Variants in BLTP2 observed in about 807,000 individuals in gnomAD.
The protein encoded by BLTP2 is bridge-like lipid transfer protein family member 2, also known as U937-associated antigen.
chr17:28,629,547 A>C, the BLTP2 span, among the ~76,000 whole-genome samples: 1 of 152,154 alleles, frequency 6.6e-6, no homozygotes, highest in Non-Finnish European at 1.5e-5. Flanking sequence ...GTGCGATCTC[A>C]GCTGGCTGCA....
At chr17:28,638,305 G>C in the BLTP2 span, 2 of 1,613,582 alleles carry the variant, frequency 1.2e-6, no homozygotes, top group Admixed American at 1.7e-5. Context: ...TGCATATTGG[G>C]TGGGTGTGGC....
At chr17:28,621,089 A>G in the BLTP2 span, 2 of 1,614,216 alleles carry the variant, frequency 1.2e-6, no homozygotes, top group Non-Finnish European at 1.7e-6. Flanking sequence ...GCTGTAACTA[A>G]TATAGTACAT....
the BLTP2 span, chr17:28,623,722 C>G: frequency 6.4e-7 from 1 of 1,555,058 alleles, no homozygotes; most frequent in African/African-American, 1.4e-5. Flanking sequence ...TACGGAAAAC[C>G]AGGAATATAA....
At chr17:28,642,942 C>T in the BLTP2 span, 1 of 1,610,948 alleles carries the variant, frequency 6.2e-7, no homozygotes, top group Non-Finnish European at 8.5e-7. Flanking sequence ...GAGGTATCCA[C>T]CTTGAGAACC....
chr17:28,622,353 C>A, the BLTP2 span, among the ~76,000 whole-genome samples: 15 of 152,286 alleles, frequency 9.8e-5, 1 homozygote, highest in South Asian at 3.1e-3. Context: ...ATGCTCATTA[C>A]CTCTTATTAC....
chr17:28,620,530 G>A, the BLTP2 span: 2 of 1,614,032 alleles, frequency 1.2e-6, no homozygotes, highest in Non-Finnish European at 1.7e-6. Context: ...GTTCTACATG[G>A]AGCAGCAGGT....
At chr17:28,640,117 A>G in the BLTP2 span, 8 of 1,421,992 alleles carry the variant, frequency 5.6e-6, no homozygotes, top group Non-Finnish European at 7.6e-6. Context: ...TTTTTTGGCC[A>G]GGCGCAGTGG....
At chr17:28,621,854 G>A in the BLTP2 span, among the ~76,000 whole-genome samples, 21 of 152,194 alleles carry the variant, frequency 1.4e-4, no homozygotes, top group Non-Finnish European at 2.2e-4. Context: ...TTGTGTTCTT[G>A]CTTTTTCTAT....
At chr17:28,622,776 C>A in the BLTP2 span, among the ~76,000 whole-genome samples, 1 of 152,180 alleles carries the variant, frequency 6.6e-6, no homozygotes, top group Non-Finnish European at 1.5e-5. Flanking sequence ...ATCTCACCAT[C>A]TAACAAAAAC....
chr17:28,633,304 A>G, the BLTP2 span: 4 of 1,613,752 alleles, frequency 2.5e-6, no homozygotes, highest in Non-Finnish European at 2.5e-6. Context: ...TCTCACGTTG[A>G]TATCCAAGTC....
the BLTP2 span, chr17:28,634,865 G>A: frequency 9.3e-6 from 15 of 1,613,946 alleles, no homozygotes; most frequent in Non-Finnish European, 1.3e-5. Flanking sequence ...AGTAGCTGTA[G>A]TCTTTTGGCA....
chr17:28,633,511 C>T, the BLTP2 span: 1 of 1,604,384 alleles, frequency 6.2e-7, no homozygotes. Context: ...CTCAACCATA[C>T]CATCCTGATA....
At chr17:28,640,462 C>A in the BLTP2 span, 2 of 1,277,596 alleles carry the variant, frequency 1.6e-6, no homozygotes, top group Non-Finnish European at 2.3e-6. Flanking sequence ...TCCTTTCTCC[C>A]CGTAGACAAG....
chr17:28,630,590 C>T, the BLTP2 span, among the ~76,000 whole-genome samples: 11 of 151,162 alleles, frequency 7.3e-5, no homozygotes, highest in South Asian at 2.3e-3. Flanking sequence ...AAGAGATTCT[C>T]CTGCCTCAAC....
chr17:28,644,218 C>T, the BLTP2 span: 6 of 1,605,536 alleles, frequency 3.7e-6, no homozygotes, highest in Non-Finnish European at 5.1e-6. Flanking sequence ...ATTCATAGGA[C>T]CTTTTTCCAA....
chr17:28,623,234 G>A, the BLTP2 span, among the ~76,000 whole-genome samples: 1 of 152,152 alleles, frequency 6.6e-6, no homozygotes, highest in Admixed American at 6.5e-5. Context: ...AATCTTGTGA[G>A]GGTGAAGTAT....
the BLTP2 span, among the ~76,000 whole-genome samples, chr17:28,625,265 G>A: frequency 7.0e-6 from 1 of 142,732 alleles, no homozygotes; most frequent in Non-Finnish European, 1.5e-5. Flanking sequence ...GAATCCAGGA[G>A]GCAGAGGTTG....
At chr17:28,614,983 C>CG in the BLTP2 span, 2 of 1,351,698 alleles carry the variant, frequency 1.5e-6, no homozygotes, top group Non-Finnish European at 2.0e-6. Context: ...TCGTGGATAA[C>CG]GGGAAGCCCC....
the BLTP2 span, chr17:28,640,002 A>G: frequency 1.2e-6 from 2 of 1,613,854 alleles, no homozygotes; most frequent in Admixed American, 1.7e-5. Context: ...GAACTGCAGC[A>G]GCTTCAGAGT....
Sources: allele counts gnomAD v4.1 joint callset (sites outside exome capture counted in the v4.1 genomes callset), GRCh38; gene constraint gnomAD v4.1.1; transcripts MANE v1.5; gene names NCBI Gene and HGNC (gene_info 2026-07-23, HGNC 2026-07-21).